The following SLC7A10 variants were observed in gnomAD, a reference collection of about 807,000 sequenced individuals.
SLC7A10 encodes asc-type amino acid transporter 1.
A neutral mutation model predicts 52.7 loss-of-function variants in SLC7A10; 30 were observed. The observed-to-expected ratio is 0.57, with a 90% CI of 0.43 to 0.77. SLC7A10 has a LOEUF of 0.77. Ranked by LOEUF, SLC7A10 falls within the 30% of genes least tolerant of loss-of-function variation. SLC7A10 has a pLI of 0.00. For synonymous variants in SLC7A10, 318 were observed against 314.9 expected (o/e 1.01, Z -0.10); for missense variants, 581 against 698.5 (o/e 0.83, Z 1.90).
Position 33,209,477 on chromosome 19 carries a change from A to G in SLC7A10, c.1272T>C (p.Leu424=), listed in dbSNP as rs749017952. 1 of 1,613,710 alleles carries G rather than the reference A, an allele frequency of 6.2e-7. No individual in the cohort carries two copies. Among genetic ancestry groups the G allele is most frequent in the Non-Finnish European group, 8.5e-7 (1 of 1,179,950 alleles). ...PALHRPIKVN[L]LIPVAYLVFW... ...AGACCAAGTACGCCACGGGGATGAG[A>G]AGGTTCACCTGGGGAAGGGGGAGCA... Residue 424 remains leucine (L), a synonymous_variant, in exon 10 of 11, where the codon CTT becomes CTC. Transcript: ENST00000253188.
intron 2 of SLC7A10, among the ~76,000 whole-genome samples, chr19:33,214,182 C>G (rs1292650728): frequency 5.9e-5 from 9 of 152,160 alleles, no homozygotes; most frequent in African/African-American, 1.9e-4. Context: ...GTCCCAGCCC[C>G]TTTGAGGACC....
chr19:33,213,030 C>T, intron 2 of SLC7A10, 28 bp from the exon 3 acceptor site: 3 of 1,569,464 alleles, frequency 1.9e-6, no homozygotes, highest in Non-Finnish European at 2.6e-6. Context: ...GGGAGTGGCT[C>T]AAGCTGCCCA....
chr19:33,209,022 C>T lies in SLC7A10; in HGVS notation c.1442-1G>A, dbSNP rs760287681. On this transcript the variant is annotated splice_acceptor_variant, in intron 10 of 10. Coordinates refer to ENST00000253188, the MANE Select transcript of SLC7A10 (RefSeq NM_019849.3). LOFTEE classifies it high-confidence loss of function. The stretch of plus-strand genomic sequence containing the variant: ...TCCTGGCCCCAGTGTGTCATGGACT[C>T]TGAGGACAGACAGATGGACCTTGGG... 1.2e-6 allele frequency: 2 copies of T among 1,613,664 alleles called. No homozygotes were observed. The highest frequency in any genetic ancestry group is 1.1e-5 in the South Asian group (1 of 91,044).
rs1372712854 is a variant in SLC7A10, at chr19:33,211,557, T to G, written c.789-20A>C. ...AGGTTCCTGGTGACAGGCAGTGGAG[T>G]GCGTCAGCGTCAGCTCCTGAGGGTG... is the stretch of plus-strand genomic sequence containing the variant. On this transcript the variant is annotated intron_variant, in intron 5 of 10. Coordinates refer to ENST00000253188, the MANE Select transcript of SLC7A10 (RefSeq NM_019849.3). 33 of 1,612,428 alleles carry G rather than the reference T, an allele frequency of 2.0e-5. No individual in the cohort carries two copies. Among genetic ancestry groups the G allele is most frequent in the Non-Finnish European group, 2.8e-5 (33 of 1,179,672 alleles).
In SLC7A10 at chr19:33,208,784, TTTTTC is replaced by T. The variant is rs1269373503; in HGVS notation, c.*102_*106del. 6.0e-6 allele frequency: 9 copies of T among 1,498,874 alleles called. No homozygotes were observed. Among genetic ancestry groups the T allele is most frequent in the Non-Finnish European group, 8.3e-6 (9 of 1,090,510 alleles). 92.8% of individuals were successfully genotyped at this position (1,498,874 alleles called of 1,614,324 possible). A position where few individuals can be genotyped will look rare whatever the true frequency, so the allele number is the denominator to read the frequency against. ...AAACAGGCTTCTGAGAGTCGTATCT[TTTTTC>T]TTTTTTTTCCAGAAAAAAACAAAAC... On this transcript the variant is annotated 3_prime_UTR_variant, in exon 11 of 11. Transcript: ENST00000253188. The surrounding 1 kb of genome is among the most constrained non-coding windows in gnomAD (Gnocchi z 4.7).
rs1420448350 is a variant in SLC7A10, at chr19:33,211,225, C to T, written c.1016G>A (p.Arg339Lys). The change falls in exon 7 of 11, where the codon AGG (arginine) becomes AAG (lysine). Residue 339 changes from arginine (R) to lysine (K), a missense_variant and splice_region_variant. Coordinates refer to ENST00000253188, the MANE Select transcript of SLC7A10 (RefSeq NM_019849.3). ...GCCCACGTCTCCCCAGTGCAGTCAC[C>T]TGGAGTAGGTGAACAGGTAACCATT... ...GINGYLFTYS[R>K]LCFSGAREGH... The T allele has an allele frequency of 1.2e-6, 2 of 1,613,666 alleles. No individual in the cohort carries two copies. The highest frequency in any genetic ancestry group is 1.3e-5 in the African/African-American group (1 of 74,936).
At chr19:33,224,719 C>T (rs1225631332) in intron 1 of SLC7A10, among the ~76,000 whole-genome samples, 4 of 152,218 alleles carry the variant, frequency 2.6e-5, no homozygotes, top group Non-Finnish European at 4.4e-5. Flanking sequence ...AAGTCAGTAT[C>T]CATGACTTGG....
At chr19:33,216,350 A>G (rs558279227) in intron 1 of SLC7A10, among the ~76,000 whole-genome samples, 4 of 152,258 alleles carry the variant, frequency 2.6e-5, no homozygotes, top group Admixed American at 2.6e-4. Flanking sequence ...CAGGCACCCC[A>G]CAAGGCCCAT....
In SLC7A10 at chr19:33,208,676, C is replaced by G; in HGVS notation, c.*215G>C. 1 of 632,744 alleles carries G rather than the reference C, an allele frequency of 1.6e-6. No homozygotes were observed. The highest frequency in any genetic ancestry group is 2.7e-6 in the Non-Finnish European group (1 of 369,120). 39.2% of individuals were successfully genotyped at this position (632,744 alleles called of 1,614,324 possible). A position where few individuals can be genotyped will look rare whatever the true frequency, so the allele number is the denominator to read the frequency against. On this transcript the variant is annotated 3_prime_UTR_variant, in exon 11 of 11. Transcript: ENST00000253188. The surrounding 1 kb of genome is among the most constrained non-coding windows in gnomAD (Gnocchi z 4.7). ...CCATAGCACGAGCGAACAGCCAGCC[C>G]TGTTTATTTATAGGCCTTTTCAGGA... is the stretch of plus-strand genomic sequence containing the variant.
Position 33,208,880 on chromosome 19 carries a change from C to T in SLC7A10, c.*11G>A. The T allele has an allele frequency of 6.8e-7, 1 of 1,477,258 alleles. No individual in the cohort carries two copies. Among genetic ancestry groups the T allele is most frequent in the Non-Finnish European group, 9.1e-7 (1 of 1,093,738 alleles). The allele number at this position is 1,477,258 out of a possible 1,614,324, so 91.5% of individuals were successfully genotyped here. On this transcript the variant is annotated 3_prime_UTR_variant, in exon 11 of 11. Coordinates refer to ENST00000253188, the MANE Select transcript of SLC7A10 (RefSeq NM_019849.3). The surrounding 1 kb of genome is among the most constrained non-coding windows in gnomAD (Gnocchi z 4.7). ...TAAACAGAAACAACTGCTTCAGTCTCTACAAAAATCTCATTGTGGCTTCGA... is the reference window on the plus strand; with the variant it reads ...TAAACAGAAACAACTGCTTCAGTCTTTACAAAAATCTCATTGTGGCTTCGA...
chr19:33,219,549 C>T (rs1488470982), intron 1 of SLC7A10, among the ~76,000 whole-genome samples: 1 of 152,244 alleles, frequency 6.6e-6, no homozygotes, highest in Non-Finnish European at 1.5e-5. Context: ...CTGGACCCGA[C>T]TGTGTGACTC....
chr19:33,223,980 C>T (rs1424639773), intron 1 of SLC7A10, among the ~76,000 whole-genome samples: 1 of 151,666 alleles, frequency 6.6e-6, no homozygotes, highest in African/African-American at 2.4e-5. Context: ...CCACCACCAC[C>T]ACCACCACCA....
At chr19:33,219,726 C>T (rs1023380954) in intron 1 of SLC7A10, among the ~76,000 whole-genome samples, 7 of 152,236 alleles carry the variant, frequency 4.6e-5, no homozygotes, top group African/African-American at 1.7e-4. Context: ...ATGTCCCTCA[C>T]TGTGGCAGGC....
chr19:33,216,273 C>T (rs1974681073), intron 1 of SLC7A10, among the ~76,000 whole-genome samples: 1 of 152,222 alleles, frequency 6.6e-6, no homozygotes, highest in Non-Finnish European at 1.5e-5. Flanking sequence ...CCTCCATTGC[C>T]CCCGTGAGGC....
intron 1 of SLC7A10, among the ~76,000 whole-genome samples, chr19:33,221,653 C>A (rs548385264): frequency 1.2e-3 from 178 of 152,290 alleles, no homozygotes; most frequent in African/African-American, 4.2e-3. Context: ...CCACCTGCAG[C>A]CCTGGAGACC....
At chr19:33,211,825 A>C in intron 5 of SLC7A10, 1 of 517,520 alleles carries the variant, frequency 1.9e-6, no homozygotes, top group Non-Finnish European at 3.5e-6. Context: ...TACAGCCAAA[A>C]TCAGCCTGGA....
At chr19:33,216,290 A>C (rs1599953175) in intron 1 of SLC7A10, among the ~76,000 whole-genome samples, 1 of 152,152 alleles carries the variant, frequency 6.6e-6, no homozygotes, top group Admixed American at 6.5e-5. Flanking sequence ...AGGCGGGGCC[A>C]GCAAAGTGAG....
In SLC7A10 at chr19:33,223,819, C is replaced by A. The variant is rs12972468; in HGVS notation, c.151+1734G>T. On this transcript the variant is annotated intron_variant, in intron 1 of 10. Transcript: ENST00000253188. ...GTGGACCTGGCACAGCAGGAAGGAA[C>A]TGAAGGGTAGGGGAGCTGTCAGGGC... 8.1e-3 allele frequency among the ~76,000 whole-genome samples: 1,239 copies of A among 152,232 alleles called. 11 individuals are homozygous for A. Among genetic ancestry groups the A allele is most frequent in the South Asian group, 0.025 (121 of 4,820 alleles).
chr19:33,213,046 CT>C, intron 2 of SLC7A10, 44 bp from the exon 3 acceptor site: 3 of 1,557,636 alleles, frequency 1.9e-6, no homozygotes, highest in Non-Finnish European at 2.6e-6. Context: ...GCCCAGAGCC[CT>C]TCCCGGCCAA....
Sources: allele counts gnomAD v4.1 joint callset (sites outside exome capture counted in the v4.1 genomes callset), GRCh38; gene constraint gnomAD v4.1.1; non-coding constraint Gnocchi (gnomAD v3.1); transcripts MANE v1.5; gene names NCBI Gene and HGNC (gene_info 2026-07-23, HGNC 2026-07-21).